Variants in HERC4 observed in about 807,000 individuals in gnomAD.
HERC4 encodes probable E3 ubiquitin-protein ligase HERC4.
HERC4 carries 28 observed loss-of-function variants against 124.3 expected under a neutral mutation model. The ratio of observed to expected loss-of-function variants is 0.23; its 90% confidence interval spans 0.17 to 0.31. The LOEUF is 0.31. HERC4 is among the 10% of genes least tolerant of loss of function. The probability of loss-of-function intolerance (pLI) is 1.00; values close to 1 mark genes in which losing one functional copy is unlikely to be tolerated. For missense variants in HERC4, 713 were observed against 1,229.3 expected (o/e 0.58, Z 6.28); for synonymous variants, 407 against 421.5 (o/e 0.97, Z 0.42).
At chr10:67,941,669 CTTTTTTTTTTTTTT>C (rs755666986) in intron 19 of HERC4, among the ~76,000 whole-genome samples, 14 of 91,770 alleles carry the variant, frequency 1.5e-4, no homozygotes, top group Admixed American at 1.2e-3. Context: ...TAAAACACAA[CTTTTTTTTTTTTTT>C]TTTTTTTTTT....
intron 6 of HERC4, among the ~76,000 whole-genome samples, chr10:68,033,149 A>G (rs1170947442): frequency 6.6e-6 from 1 of 152,152 alleles, no homozygotes; most frequent in Non-Finnish European, 1.5e-5. Flanking sequence ...AACTGCTTCT[A>G]ATTTTCCACA....
intron 8 of HERC4, among the ~76,000 whole-genome samples, chr10:68,019,069 T>A (rs1253970204): frequency 6.7e-6 from 1 of 148,782 alleles, no homozygotes. Context: ...CGATCTCGGC[T>A]CACTGCAACC....
intron 8 of HERC4, among the ~76,000 whole-genome samples, chr10:68,020,533 G>A (rs570285822): frequency 6.6e-5 from 10 of 152,096 alleles, no homozygotes; most frequent in African/African-American, 9.6e-5. Context: ...TTGGGAGGCC[G>A]AGGCGGGCAG....
At chr10:67,980,754 T>C (rs1437170183) in intron 15 of HERC4, among the ~76,000 whole-genome samples, 1 of 151,490 alleles carries the variant, frequency 6.6e-6, no homozygotes, top group East Asian at 1.9e-4. Context: ...AAAGCAGGAG[T>C]ACAAAGTTAA....
intron 9 of HERC4, among the ~76,000 whole-genome samples, chr10:68,007,025 G>A (rs1483566160): frequency 1.3e-5 from 2 of 152,098 alleles, no homozygotes; most frequent in East Asian, 1.9e-4. Context: ...CTTTAGGATT[G>A]AAAAGGTCTC....
intron 7 of HERC4, among the ~76,000 whole-genome samples, chr10:68,032,346 C>G (rs775820354): frequency 2.6e-5 from 4 of 152,134 alleles, no homozygotes; most frequent in Admixed American, 6.5e-5. Flanking sequence ...CTATGAATAA[C>G]AGAGAAATTC....
intron 3 of HERC4, among the ~76,000 whole-genome samples, chr10:68,064,658 T>C (rs12765430): frequency 0.099 from 14,934 of 150,716 alleles, 813 homozygotes; most frequent in South Asian, 0.15. Flanking sequence ...GTATTACTTA[T>C]AACAAAAATC....
intron 3 of HERC4, among the ~76,000 whole-genome samples, chr10:68,059,681 CATAATATTATATATTATA>C (rs2040822298): frequency 2.3e-5 from 1 of 43,026 alleles, no homozygotes; most frequent in African/African-American, 2.7e-4. Context: ...TATTATATAT[CATAATATTATATATTATA>C]ATATTATATA....
intron 9 of HERC4, chr10:68,010,415 T>C: frequency 1.0e-6 from 1 of 963,984 alleles, no homozygotes; most frequent in East Asian, 2.6e-5. Flanking sequence ...CCTCTCATGG[T>C]GCATAATCAC....
Position 67,972,529 on chromosome 10 carries a change from G to GA in HERC4, c.1807-5728dup, listed in dbSNP as rs58031306. On this transcript the variant is annotated intron_variant, in intron 15 of 24. Coordinates refer to ENST00000373700, the MANE Select transcript of HERC4 (RefSeq NM_015601.4). Reference sequence around the variant, plus strand: ...AGTCAAACTCTGTCTCAAAAAAGAGGAAAAAAAAAAAAAAAAAAAAAAAAA... The same window carrying GA: ...AGTCAAACTCTGTCTCAAAAAAGAGGAAAAAAAAAAAAAAAAAAAAAAAAAA... Among the ~76,000 whole-genome samples the GA allele has an allele frequency of 3.0e-3, 175 of 58,398 alleles. 3 individuals carry two copies. Among genetic ancestry groups the GA allele is most frequent in the African/African-American group, 0.011 (169 of 14,850 alleles). 38.3% of individuals were successfully genotyped at this position (58,398 alleles called of 152,430 possible).
intron 9 of HERC4, among the ~76,000 whole-genome samples, chr10:68,006,936 T>A (rs1392732242): frequency 6.6e-6 from 1 of 152,220 alleles, no homozygotes; most frequent in Non-Finnish European, 1.5e-5. Flanking sequence ...AGTTTGATTA[T>A]CAAATGTCTT....
At chr10:68,037,333 TG>T (rs1275879085) in intron 5 of HERC4, among the ~76,000 whole-genome samples, 1 of 152,132 alleles carries the variant, frequency 6.6e-6, no homozygotes, top group Non-Finnish European at 1.5e-5. Flanking sequence ...TGAACTCAGG[TG>T]ATCTGCCCAT....
At chr10:68,057,091 A>C (rs2040585932) in intron 3 of HERC4, among the ~76,000 whole-genome samples, 1 of 152,128 alleles carries the variant, frequency 6.6e-6, no homozygotes, top group Non-Finnish European at 1.5e-5. Context: ...GTTTTATACA[A>C]TTTCAAACAT....
chr10:68,020,226 A>G (rs1036305658), intron 8 of HERC4, among the ~76,000 whole-genome samples: 1 of 152,304 alleles, frequency 6.6e-6, no homozygotes, highest in East Asian at 1.9e-4. Flanking sequence ...TCCAGTTACC[A>G]TATTATTAAA....
At chr10:67,928,263 T>C (rs1022231088) in intron 23 of HERC4, among the ~76,000 whole-genome samples, 8 of 152,120 alleles carry the variant, frequency 5.3e-5, no homozygotes, top group Non-Finnish European at 7.3e-5. Context: ...GTTATATCAT[T>C]TTCATTTTAA....
chr10:67,974,119 CAT>C (rs1379023630), intron 15 of HERC4, among the ~76,000 whole-genome samples: 1,177 of 83,604 alleles, frequency 0.014, 38 homozygotes, highest in East Asian at 0.068. Flanking sequence ...CACACACACA[CAT>C]ACACACAGGG....
chr10:67,965,383 TA>T (rs2034800094), intron 16 of HERC4: 1 of 152,208 alleles, frequency 6.6e-6, no homozygotes. Context: ...GTATTTCCAA[TA>T]CCTAAATCAG....
intron 3 of HERC4, among the ~76,000 whole-genome samples, chr10:68,065,110 G>A (rs1020496657): frequency 5.9e-5 from 9 of 152,002 alleles, no homozygotes; most frequent in Non-Finnish European, 1.0e-4. Context: ...TTATTATCGG[G>A]GGAAAAAAGT....
In HERC4 at chr10:68,073,160, C is replaced by G. The variant is rs1191245782; in HGVS notation, c.-52G>C. On this transcript the variant is annotated 5_prime_UTR_variant, in exon 3 of 25. Coordinates refer to ENST00000373700, the MANE Select transcript of HERC4 (RefSeq NM_015601.4). ...TTCAATAAAAAATTCTCTTCTGAAA[C>G]CCCGGAAAGTTGGAGGTACCCTATG... 1.3e-6 allele frequency: 2 copies of G among 1,496,056 alleles called. No homozygotes were observed. The highest frequency in any genetic ancestry group is 2.8e-5 in the African/African-American group (2 of 71,486). 92.7% of individuals were successfully genotyped at this position (1,496,056 alleles called of 1,614,324 possible). A position where few individuals can be genotyped will look rare whatever the true frequency, so the allele number is the denominator to read the frequency against.
Sources: gnomAD v4.1 joint callset for allele counts (sites outside exome capture counted in the v4.1 genomes callset) on GRCh38, gnomAD v4.1.1 for gene constraint, MANE v1.5 for transcripts, NCBI Gene and HGNC (gene_info 2026-07-23, HGNC 2026-07-21) for gene names.